USP35: variants seen among roughly 807,000 people sequenced by gnomAD.
USP35 encodes the protein ubiquitin specific peptidase 35, also known as ubiquitin carboxyl-terminal hydrolase 35.
Under a neutral mutation model 83.8 loss-of-function variants are expected in USP35, and 69 were observed. That is an observed-to-expected ratio of 0.82 (90% CI 0.68 to 1.01). The LOEUF (loss-of-function observed/expected upper bound fraction) is 1.01, where lower values mean the gene tolerates loss of function less well. Ranked by LOEUF, USP35 falls within the 50% of genes least tolerant of loss-of-function variation. USP35 has a pLI of 0.00. For missense variants in USP35, 1,503 were observed against 1,362.5 expected (o/e 1.10, Z -1.62); for synonymous variants, 714 against 589.5 (o/e 1.21, Z -3.06).
the USP35 span, chr11:78,227,113 G>C: frequency 1.8e-6 from 2 of 1,105,650 alleles, no homozygotes; most frequent in Non-Finnish European, 2.7e-6. Flanking sequence ...GTGACCTTGA[G>C]GCAAAGCACT....
In USP35 at chr11:78,196,359, C is replaced by T. The variant is rs372609453; in HGVS notation, c.114C>T (p.Cys38=). Residue 38 remains cysteine (C), a synonymous_variant, in exon 2 of 11, where the codon TGC becomes TGT. Coordinates refer to ENST00000529308, the MANE Select transcript of USP35 (RefSeq NM_020798.4). The surrounding 1 kb of genome is among the most constrained non-coding windows in gnomAD (Gnocchi z 4.8). ...GGCAGCCGCTGGAGCGTGAGCAGTG[C>T]CTGGCGCTGCTGGCGCTGGGCGCGC... ...AARQPLEREQ[C]LALLALGARL... The T allele has an allele frequency of 3.0e-5, 46 of 1,542,516 alleles. No individual in the cohort carries two copies. Among genetic ancestry groups the T allele is most frequent in the Non-Finnish European group, 4.0e-5 (46 of 1,157,222 alleles).
chr11:78,213,392 G>A (rs1391327204), intron 10 of USP35, among the ~76,000 whole-genome samples: 3 of 152,166 alleles, frequency 2.0e-5, no homozygotes, highest in Non-Finnish European at 2.9e-5. Context: ...TACCACATTA[G>A]GCCCTTGTCA....
At chr11:78,232,915 A>G in the USP35 span, among the ~76,000 whole-genome samples, 1 of 152,212 alleles carries the variant, frequency 6.6e-6, no homozygotes, top group African/African-American at 2.4e-5. Context: ...ACCTAATGTA[A>G]AAGTGCTTTG....
intron 6 of USP35, among the ~76,000 whole-genome samples, chr11:78,202,384 A>C (rs1863383146): frequency 6.6e-6 from 1 of 152,206 alleles, no homozygotes; most frequent in Non-Finnish European, 1.5e-5. Flanking sequence ...AAAAAAATGT[A>C]ATCAGTGGCC....
At chr11:78,190,304 TA>T (rs1280658999) in intron 1 of USP35, among the ~76,000 whole-genome samples, 3 of 152,238 alleles carry the variant, frequency 2.0e-5, no homozygotes, top group African/African-American at 7.2e-5. Flanking sequence ...GAACAATTTC[TA>T]GAATGGCTAA....
In USP35 at chr11:78,214,649, T is replaced by G. The variant is rs1565408679; in HGVS notation, c.*836T>G. Reference sequence around the variant, plus strand: ...GACACTGCTGTAGCCCCCTTCTAACTTCTAACCGAAGACAAGACAGACACC... The same window carrying G: ...GACACTGCTGTAGCCCCCTTCTAACGTCTAACCGAAGACAAGACAGACACC... On this transcript the variant is annotated 3_prime_UTR_variant, in exon 11 of 11. Coordinates refer to ENST00000529308, the MANE Select transcript of USP35 (RefSeq NM_020798.4). 2 of 151,622 alleles carry G rather than the reference T, an allele frequency of 1.3e-5. No individual in the cohort carries two copies. The highest frequency in any genetic ancestry group is 2.9e-5 in the Non-Finnish European group (2 of 68,014). 9.4% of individuals were successfully genotyped at this position (151,622 alleles called of 1,614,324 possible).
Position 78,200,703 on chromosome 11 carries a change from C to G in USP35, c.1092C>G (p.Asn364Lys). 1 of 1,614,114 alleles carries G rather than the reference C, an allele frequency of 6.2e-7. No individual in the cohort carries two copies. The highest frequency in any genetic ancestry group is 1.7e-4 in the Middle Eastern group (1 of 6,060). ...MVASLVKEDSNSGTSCLEQLA... is the reference protein window; with the variant it reads ...MVASLVKEDSKSGTSCLEQLA... ...CCTCTCTGGTCAAGGAGGACTCGAA[C>G]TCGGGGACCAGCTGCCTGGAGCAGC... Residue 364 changes from asparagine to lysine, a missense_variant, in exon 6 of 11, where the codon AAC (asparagine) becomes AAG (lysine). Coordinates refer to ENST00000529308, the MANE Select transcript of USP35 (RefSeq NM_020798.4).
At chr11:78,200,357 G>A in intron 5 of USP35, 123 bp downstream of exon 5, 1 of 1,191,060 alleles carries the variant, frequency 8.4e-7, no homozygotes, top group Non-Finnish European at 1.2e-6. Context: ...CAGGTCACTT[G>A]GCTGAGGCCA....
rs1555088505 is a variant in USP35, at chr11:78,210,257, C to T, written c.2402C>T (p.Pro801Leu). ...AAGGTGGTGGAGCTGAGCCAAGGGC[C>T]GTGCTACCTCATCCTCACACTGCTG... ...AEKVVELSQGPCYLILTLLRF... is the reference protein window; with the variant it reads ...AEKVVELSQGLCYLILTLLRF... Residue 801 changes from proline (P) to leucine (L), a missense_variant, in exon 10 of 11, where the codon CCG becomes CTG. Physicochemically the swap from Pro to Leu is moderately conservative, Grantham distance 98. Transcript: ENST00000529308. 12 of 1,614,040 alleles carry T rather than the reference C, an allele frequency of 7.4e-6. No individual in the cohort carries two copies. The highest frequency in any genetic ancestry group is 2.2e-5 in the South Asian group (2 of 91,086).
chr11:78,193,929 C>T (rs766004959), intron 1 of USP35, among the ~76,000 whole-genome samples: 4 of 152,194 alleles, frequency 2.6e-5, no homozygotes, highest in Non-Finnish European at 4.4e-5. Flanking sequence ...CTCCTGGGCT[C>T]GCCACCACCC....
At chr11:78,210,769 A>G (rs758838069) in intron 10 of USP35, 25 bp downstream of exon 10, 1 of 1,507,042 alleles carries the variant, frequency 6.6e-7, no homozygotes. Context: ...GGGGCCTTTG[A>G]TCTGATCTCT....
intron 9 of USP35, 143 bp from the exon 10 acceptor site, chr11:78,209,305 T>C (rs1328258413): frequency 5.8e-6 from 5 of 858,072 alleles, no homozygotes; most frequent in Middle Eastern, 3.6e-4. Context: ...TGTACGTGGA[T>C]GTGTGGGTGT....
the USP35 span, among the ~76,000 whole-genome samples, chr11:78,233,418 G>T: frequency 6.6e-6 from 1 of 152,150 alleles, no homozygotes; most frequent in African/African-American, 2.4e-5. Flanking sequence ...CCAGATCACT[G>T]ATCATCTATT....
In USP35 at chr11:78,210,448, TGCTATGCCCGTGAGGGCGCTGCCCG is replaced by T; in HGVS notation, c.2594_2618del (p.Cys865SerfsTer78). The T allele has an allele frequency of 1.2e-6, 2 of 1,614,218 alleles. No individual in the cohort carries two copies. Among genetic ancestry groups the T allele is most frequent in the Non-Finnish European group, 1.7e-6 (2 of 1,180,036 alleles). The stretch of plus-strand genomic sequence containing the variant: ...GTCTTCGGAGAGTGGTCACTACTAC[TGCTATGCCCGTGAGGGCGCTGCCCG>T]CCCTGCCGCTTCTCTGGGAACTGCC... On this transcript the variant is annotated frameshift_variant, in exon 10 of 11. Coordinates refer to ENST00000529308, the MANE Select transcript of USP35 (RefSeq NM_020798.4). LOFTEE classifies it high-confidence loss of function.
At chr11:78,192,958 A>G (rs1382038554) in intron 1 of USP35, among the ~76,000 whole-genome samples, 1 of 151,956 alleles carries the variant, frequency 6.6e-6, no homozygotes, top group Non-Finnish European at 1.5e-5. Context: ...GCCTGCCCCC[A>G]TGCCCTCTTG....
At chr11:78,233,520 T>G in the USP35 span, among the ~76,000 whole-genome samples, 344 of 152,360 alleles carry the variant, frequency 2.3e-3, no homozygotes, top group South Asian at 5.0e-3. Flanking sequence ...TGCTCTCTTC[T>G]TACTGAGTTG....
At position 78,213,919 on chromosome 11, in the gene USP35, G is replaced by GCACCTTAGTCCTCAGCCTGATGA; in HGVS notation, c.*107_*129dup. The GCACCTTAGTCCTCAGCCTGATGA allele has an allele frequency of 7.6e-7, 1 of 1,308,518 alleles. No homozygotes were observed. Among genetic ancestry groups the GCACCTTAGTCCTCAGCCTGATGA allele is most frequent in the East Asian group, 2.8e-5 (1 of 35,342 alleles). The allele number at this position is 1,308,518 out of a possible 1,614,324, so 81.1% of individuals were successfully genotyped here. A position where few individuals can be genotyped will look rare whatever the true frequency, so the allele number is the denominator to read the frequency against. On this transcript the variant is annotated 3_prime_UTR_variant, in exon 11 of 11. Coordinates refer to ENST00000529308, the MANE Select transcript of USP35 (RefSeq NM_020798.4). ...AAGAGGAAGGATGGTACAGCTCATG[G>GCACCTTAGTCCTCAGCCTGATGA]CACCTTAGTCCTCAGCCTGATGAAG...
At position 78,213,759 on chromosome 11, in the gene USP35, G is replaced by C. The variant is rs752597507; in HGVS notation, c.3003G>C (p.Gly1001=). The change falls in exon 11 of 11, where the codon GGG becomes GGC. Residue 1001 remains glycine, a synonymous_variant. Transcript: ENST00000529308. ...AGGATGAGGATGAAGGCTCTCCAGG[G>C]GGCTGCAATCCTGCAGGTGGCAATG... ...EDKDEDEGSP[G]GCNPAGGNGG... The C allele has an allele frequency of 5.2e-6, 8 of 1,543,916 alleles. No individual in the cohort carries two copies. In the East Asian group the frequency reaches 1.5e-4, roughly 30 times the overall value.
intron 1 of USP35, among the ~76,000 whole-genome samples, chr11:78,190,251 GTTTTGT>G (rs1343442504): frequency 5.3e-4 from 80 of 152,102 alleles, no homozygotes; most frequent in African/African-American, 1.8e-3. Context: ...GTTTTGTTTT[GTTTTGT>G]TTTTGTTTTG....
Sources: allele counts gnomAD v4.1 joint callset (sites outside exome capture counted in the v4.1 genomes callset), GRCh38; gene constraint gnomAD v4.1.1; non-coding constraint Gnocchi (gnomAD v3.1); transcripts MANE v1.5; gene names NCBI Gene and HGNC (gene_info 2026-07-23, HGNC 2026-07-21).